Variants in CDH11 observed in about 807,000 individuals in gnomAD.
CDH11 encodes the protein cadherin-11.
In CDH11, 11 loss-of-function variants were observed where a neutral mutation model predicts 67.8. That is an observed-to-expected ratio of 0.16 (90% CI 0.10 to 0.27). CDH11 has a LOEUF of 0.27. CDH11 is among the 10% of genes least tolerant of loss of function. The pLI is 1.00. For missense variants in CDH11, 847 were observed against 1,031.2 expected (o/e 0.82, Z 2.45); for synonymous variants, 419 against 400.0 (o/e 1.05, Z -0.57).
At chr16:64,978,539 A>C in intron 8 of CDH11, among the ~76,000 whole-genome samples, 1 of 152,234 alleles carries the variant, frequency 6.6e-6, no homozygotes, top group South Asian at 2.1e-4. Flanking sequence ...AACATAGTAC[A>C]AAGTTATGGT....
intron 8 of CDH11, among the ~76,000 whole-genome samples, chr16:64,980,111 G>A (rs1001712051): frequency 1.3e-5 from 2 of 151,376 alleles, no homozygotes; most frequent in African/African-American, 4.9e-5. Context: ...TTTCTTTTGT[G>A]GGGGGGATCA....
intron 2 of CDH11, among the ~76,000 whole-genome samples, chr16:65,024,966 C>CA (rs1567534614): frequency 6.6e-6 from 1 of 151,944 alleles, no homozygotes; most frequent in South Asian, 2.1e-4. Context: ...TGCTGCATTA[C>CA]AAAAAAAGAA....
rs535764382 is a variant in CDH11, at chr16:64,971,673, A to C, written c.1548T>G (p.Asp516Glu). ...GTCCATTGGCCGTGTCATCCTTGTC[A>C]TCTGCACTAATTGTAACAATTGGCT... ...SNQPIVTISA[D>E]DKDDTANGPR... is the part of the protein sequence containing the mutation. Residue 516 changes from aspartate (D) to glutamate (E), a missense_variant, in exon 11 of 13, where the codon GAT (aspartate) becomes GAG (glutamate). By Grantham distance (45) the Asp-to-Glu change is conservative. Transcript: ENST00000268603. The C allele has an allele frequency of 6.2e-7, 1 of 1,612,216 alleles. No individual in the cohort carries two copies. The highest frequency in any genetic ancestry group is 8.5e-7 in the Non-Finnish European group (1 of 1,178,440).
At chr16:64,999,843 T>C (rs912407957) in intron 3 of CDH11, among the ~76,000 whole-genome samples, 1 of 152,170 alleles carries the variant, frequency 6.6e-6, no homozygotes, top group Non-Finnish European at 1.5e-5. Context: ...CCAATGTTTT[T>C]GTTTGTTTGT....
At chr16:64,976,784 G>C (rs1470804024) in intron 8 of CDH11, among the ~76,000 whole-genome samples, 2 of 152,096 alleles carry the variant, frequency 1.3e-5, no homozygotes, top group African/African-American at 4.8e-5. Context: ...GGAGGCGGAG[G>C]TTGCAGTGAG....
chr16:65,071,020 T>C (rs911649592), intron 1 of CDH11, among the ~76,000 whole-genome samples: 7 of 152,194 alleles, frequency 4.6e-5, no homozygotes, highest in African/African-American at 1.7e-4. Context: ...CAGAGGTATG[T>C]GCTGTCCTCG....
chr16:65,065,012 T>G (rs1246373166), intron 1 of CDH11, among the ~76,000 whole-genome samples: 1 of 152,094 alleles, frequency 6.6e-6, no homozygotes, highest in South Asian at 2.1e-4. Flanking sequence ...GCCTCCAGCA[T>G]CCCAGGGTCT....
At chr16:65,045,780 C>T (rs1419283980) in intron 2 of CDH11, among the ~76,000 whole-genome samples, 1 of 151,982 alleles carries the variant, frequency 6.6e-6, no homozygotes, top group Admixed American at 6.6e-5. Flanking sequence ...TTGGAGATTC[C>T]ACTCCACCCC....
intron 2 of CDH11, among the ~76,000 whole-genome samples, chr16:65,029,552 A>G (rs2073601199): frequency 6.6e-6 from 1 of 152,198 alleles, no homozygotes; most frequent in Admixed American, 6.5e-5. Context: ...GAACAAGAAA[A>G]GCATGATGAG....
rs1339353452 is a variant in CDH11 at position 65,043,309 on chromosome 16, T to TC, written c.-173+10494dup. On this transcript the variant is annotated intron_variant, in intron 2 of 12. Transcript: ENST00000268603. ...ATAGAGTTTGTCACAGGTTGGATTA[T>TC]CTGGGACGCTGACTCTGAGATGGAG... is the stretch of plus-strand genomic sequence containing the variant. 2.5e-3 allele frequency among the ~76,000 whole-genome samples: 376 copies of TC among 152,300 alleles called. 3 individuals are homozygous for TC. The highest frequency in any genetic ancestry group is 8.4e-3 in the African/African-American group (349 of 41,560).
At chr16:65,063,690 T>C (rs1042810878) in intron 1 of CDH11, among the ~76,000 whole-genome samples, 1 of 152,124 alleles carries the variant, frequency 6.6e-6, no homozygotes. Flanking sequence ...TATCTATATG[T>C]GTGTCAGTAC....
intron 1 of CDH11, among the ~76,000 whole-genome samples, chr16:65,067,632 T>G (rs2074336379): frequency 6.6e-6 from 1 of 152,000 alleles, no homozygotes. Context: ...TAATTGTATA[T>G]CAAGTATTTC....
chr16:64,991,667 G>C, intron 6 of CDH11, 101 bp downstream of exon 6: 1 of 754,296 alleles, frequency 1.3e-6, no homozygotes, highest in Non-Finnish European at 2.1e-6. Context: ...TAGTTTTCTA[G>C]ATTTTCTTTT....
intron 2 of CDH11, among the ~76,000 whole-genome samples, chr16:65,048,037 G>A (rs184202852): frequency 1.3e-4 from 20 of 152,288 alleles, no homozygotes; most frequent in African/African-American, 3.9e-4. Flanking sequence ...GCAACAGTAC[G>A]GTTCCATTGT....
intron 12 of CDH11, among the ~76,000 whole-genome samples, chr16:64,950,116 G>A (rs1380565542): frequency 6.6e-6 from 1 of 152,172 alleles, no homozygotes; most frequent in Non-Finnish European, 1.5e-5. Flanking sequence ...AATGGCATAT[G>A]TTCTGAGTAC....
chr16:64,995,039 C>T (rs2142501278), intron 4 of CDH11, among the ~76,000 whole-genome samples: 1 of 152,274 alleles, frequency 6.6e-6, no homozygotes, highest in African/African-American at 2.4e-5. Context: ...TTTCGAAACA[C>T]TGCTGAAAGA....
At chr16:65,087,704 A>G (rs2074724199) in intron 1 of CDH11, among the ~76,000 whole-genome samples, 1 of 152,198 alleles carries the variant, frequency 6.6e-6, no homozygotes. Context: ...AATGAATTTT[A>G]TCAATGCTAT....
Position 64,946,770 on chromosome 16 carries a change from A to C in CDH11, c.*833T>G, listed in dbSNP as rs190941137. 1 of 900,252 alleles carries C rather than the reference A, an allele frequency of 1.1e-6. No homozygotes were observed. The highest frequency in any genetic ancestry group is 5.9e-5 in the Admixed American group (1 of 16,980). The allele number at this position is 900,252 out of a possible 1,614,324, so 55.8% of individuals were successfully genotyped here. On this transcript the variant is annotated 3_prime_UTR_variant, in exon 13 of 13. Transcript: ENST00000268603. ...AACGTTTGTTTCAATGTTAAGAATC[A>C]AACCCAGAATTAAAAAAAAATCTTT...
intron 2 of CDH11, among the ~76,000 whole-genome samples, chr16:65,027,572 G>GT (rs538858727): frequency 6.6e-5 from 10 of 152,306 alleles, no homozygotes; most frequent in South Asian, 4.1e-4. Context: ...AGATGAAGAC[G>GT]TAACAATACA....
Sources: allele counts gnomAD v4.1 joint callset (sites outside exome capture counted in the v4.1 genomes callset), GRCh38; gene constraint gnomAD v4.1.1; transcripts MANE v1.5; gene names NCBI Gene and HGNC (gene_info 2026-07-23, HGNC 2026-07-21).